The following LRP1B variants were observed in gnomAD, a reference collection of about 807,000 sequenced individuals.
LRP1B encodes the protein LDL receptor related protein 1B.
In LRP1B, 217 loss-of-function variants were observed where a neutral mutation model predicts 556.6. That is an observed-to-expected ratio of 0.39 (90% CI 0.35 to 0.44). The LOEUF is 0.44. Ranked by LOEUF, LRP1B falls within the 20% of genes least tolerant of loss-of-function variation. The pLI is 1.00. For synonymous variants in LRP1B, 2,047 were observed against 1,865.8 expected (o/e 1.10, Z -2.50); for missense variants, 5,053 against 5,620.8 (o/e 0.90, Z 3.23).
chr2:141,756,568 C>CACACAT (rs1253821072), intron 2 of LRP1B, among the ~76,000 whole-genome samples: 1 of 151,832 alleles, frequency 6.6e-6, no homozygotes, highest in Non-Finnish European at 1.5e-5. Context: ...CACACACACA[C>CACACAT]ACACACACAC....
At chr2:140,268,191 G>A (rs1558759015) in intron 86 of LRP1B, among the ~76,000 whole-genome samples, 1 of 151,862 alleles carries the variant, frequency 6.6e-6, no homozygotes, top group Admixed American at 6.6e-5. Flanking sequence ...TTTGGTCAAG[G>A]AGAACCTTAG....
At chr2:140,996,044 T>C (rs1410043262) in intron 15 of LRP1B, among the ~76,000 whole-genome samples, 1 of 151,950 alleles carries the variant, frequency 6.6e-6, no homozygotes, top group Non-Finnish European at 1.5e-5. Context: ...AGGGATAAAA[T>C]CCTTTGTGTC....
At chr2:140,901,173 G>A (rs1164601192) in intron 23 of LRP1B, among the ~76,000 whole-genome samples, 2 of 151,964 alleles carry the variant, frequency 1.3e-5, no homozygotes, top group African/African-American at 4.8e-5. Flanking sequence ...AAGTGGGGAA[G>A]AACAATGAAC....
At chr2:140,779,751 AGAGAGTGT>A (rs1400951693) in intron 32 of LRP1B, among the ~76,000 whole-genome samples, 1 of 86,824 alleles carries the variant, frequency 1.2e-5, no homozygotes, top group African/African-American at 5.2e-5. Context: ...TCTCTCTGTG[AGAGAGTGT>A]GTGTGTGTGT....
At chr2:142,072,653 A>G (rs1705363222) in intron 1 of LRP1B, among the ~76,000 whole-genome samples, 1 of 151,930 alleles carries the variant, frequency 6.6e-6, no homozygotes. Flanking sequence ...TATGTGGCCC[A>G]AGACAATTCT....
At chr2:140,349,734 G>C (rs1406626797) in intron 77 of LRP1B, among the ~76,000 whole-genome samples, 1 of 152,036 alleles carries the variant, frequency 6.6e-6, no homozygotes, top group South Asian at 2.1e-4. Flanking sequence ...TCAACAAGCA[G>C]ATTTCTGTTT....
chr2:141,251,896 C>T (rs1003402047), intron 4 of LRP1B, among the ~76,000 whole-genome samples: 4 of 152,082 alleles, frequency 2.6e-5, no homozygotes, highest in Non-Finnish European at 5.9e-5. Context: ...AAGCTGTCTG[C>T]TCATATCCCT....
rs893143666 is a variant in LRP1B, at chr2:140,654,643, A to AT, written c.6799+45606dup. Among the ~76,000 whole-genome samples, 661 of 151,798 alleles carry AT rather than the reference A, an allele frequency of 4.4e-3. 2 individuals carry two copies. The highest frequency in any genetic ancestry group is 0.015 in the African/African-American group (608 of 41,396). Reference sequence around the variant, plus strand: ...ATGGGTTTTATTACTAATTCAGAAGATTTTTTTTTCCCCGATAACACAGAC... The same window carrying AT: ...ATGGGTTTTATTACTAATTCAGAAGATTTTTTTTTTCCCCGATAACACAGAC... On this transcript the variant is annotated intron_variant, in intron 41 of 90. Coordinates refer to ENST00000389484, the MANE Select transcript of LRP1B (RefSeq NM_018557.3).
intron 66 of LRP1B, among the ~76,000 whole-genome samples, chr2:140,391,232 T>A (rs1168095504): frequency 6.6e-6 from 1 of 152,158 alleles, no homozygotes; most frequent in Non-Finnish European, 1.5e-5. Flanking sequence ...AAAATATTTT[T>A]GACAGCATTA....
chr2:140,948,753 G>A (rs1245204691), intron 20 of LRP1B, among the ~76,000 whole-genome samples: 2 of 152,086 alleles, frequency 1.3e-5, no homozygotes, highest in African/African-American at 4.8e-5. Flanking sequence ...ACTGCCTCAG[G>A]GCCTATAGGC....
intron 68 of LRP1B, 133 bp from the exon 69 acceptor site, chr2:140,373,270 C>CAA: frequency 9.6e-6 from 7 of 727,540 alleles, no homozygotes; most frequent in Non-Finnish European, 1.5e-5. Flanking sequence ...ACTTCTCTGT[C>CAA]AAAAACAACA....
chr2:141,280,248 T>C (rs771175988), intron 3 of LRP1B, among the ~76,000 whole-genome samples: 7 of 152,090 alleles, frequency 4.6e-5, no homozygotes, highest in Non-Finnish European at 7.4e-5. Context: ...GGACTGTAAT[T>C]ACATGAGTGC....
intron 18 of LRP1B, among the ~76,000 whole-genome samples, chr2:140,967,671 T>G (rs144261716): frequency 6.6e-6 from 1 of 151,686 alleles, no homozygotes; most frequent in African/African-American, 2.4e-5. Flanking sequence ...ATATTGGCTG[T>G]GGGTTTGTCA....
intron 3 of LRP1B, among the ~76,000 whole-genome samples, chr2:141,285,944 G>A (rs1573755461): frequency 1.4e-5 from 2 of 147,774 alleles, no homozygotes. Context: ...GCGGGCGCCT[G>A]TAGTCCCAGC....
chr2:140,994,732 C>T (rs544271803), intron 15 of LRP1B, among the ~76,000 whole-genome samples: 1 of 151,894 alleles, frequency 6.6e-6, no homozygotes, highest in African/African-American at 2.4e-5. Flanking sequence ...TAAATACATA[C>T]AATAAAAATA....
At chr2:141,150,865 T>TGG (rs1482766434) in intron 7 of LRP1B, among the ~76,000 whole-genome samples, 1 of 70,182 alleles carries the variant, frequency 1.4e-5, no homozygotes, top group Non-Finnish European at 4.0e-5. Flanking sequence ...ATTGTCATGC[T>TGG]GGTTTGTGTG....
chr2:140,490,420 G>T (rs1031856500), intron 57 of LRP1B, among the ~76,000 whole-genome samples: 1 of 152,054 alleles, frequency 6.6e-6, no homozygotes, highest in African/African-American at 2.4e-5. Flanking sequence ...ATAATTTTAT[G>T]CAATAAAACT....
chr2:141,670,841 T>C (rs2105412111), intron 2 of LRP1B, among the ~76,000 whole-genome samples: 1 of 152,344 alleles, frequency 6.6e-6, no homozygotes, highest in South Asian at 2.1e-4. Flanking sequence ...TTTACAAATT[T>C]GCCATATTCT....
chr2:141,431,163 A>AAATAAATAAATAAATAAATGAATG (rs1390298793), intron 3 of LRP1B, among the ~76,000 whole-genome samples: 16 of 152,018 alleles, frequency 1.1e-4, no homozygotes, highest in African/African-American at 3.6e-4. Flanking sequence ...ATAAATAAAT[A>AAATAAATAAATAAATAAATGAATG]AATGAAATAG....
Sources: gnomAD v4.1 joint callset for allele counts (sites outside exome capture counted in the v4.1 genomes callset) on GRCh38, gnomAD v4.1.1 for gene constraint, MANE v1.5 for transcripts, NCBI Gene and HGNC (gene_info 2026-07-23, HGNC 2026-07-21) for gene names.